TMEM67: variants seen among roughly 807,000 people sequenced by gnomAD.
TMEM67 encodes the protein transmembrane protein 67.
TMEM67 carries 124 observed loss-of-function variants against 136.6 expected under a neutral mutation model. The observed-to-expected ratio is 0.91, with a 90% confidence interval of 0.78 to 1.05. The LOEUF (loss-of-function observed/expected upper bound fraction) is 1.05. Ranked by LOEUF, TMEM67 falls within the 50% of genes least tolerant of loss-of-function variation. The pLI, the probability that TMEM67 is intolerant of heterozygous loss-of-function variation, is 0.00. For missense variants in TMEM67, 1,107 were observed against 1,178.4 expected (o/e 0.94, Z 0.89); for synonymous variants, 364 against 390.5 (o/e 0.93, Z 0.80).
chr8:93,815,462 T>C lies in TMEM67; in HGVS notation c.2907+15T>C, dbSNP rs1218036498. The C allele has an allele frequency of 3.1e-6, 5 of 1,602,130 alleles. No homozygotes were observed. Among genetic ancestry groups the C allele is most frequent in the Non-Finnish European group, 4.3e-6 (5 of 1,171,880 alleles). Reference sequence around the variant, plus strand: ...TACAACAAGAGGTAAACTTTTAAAATTTTTCTACATTTTCCTTCATTTTCT... The same window carrying C: ...TACAACAAGAGGTAAACTTTTAAAACTTTTCTACATTTTCCTTCATTTTCT... On this transcript the variant is annotated intron_variant, in intron 27 of 27. Coordinates refer to ENST00000453321, the MANE Select transcript of TMEM67 (RefSeq NM_153704.6).
At chr8:93,807,375 T>A (rs1815201803) in intron 23 of TMEM67, among the ~76,000 whole-genome samples, 2 of 152,080 alleles carry the variant, frequency 1.3e-5, no homozygotes, top group Non-Finnish European at 2.9e-5. Flanking sequence ...TATGTAAAAA[T>A]TGGAGAATAT....
intron 27 of TMEM67, among the ~76,000 whole-genome samples, chr8:93,815,829 A>AAGGGAAGCCCCGTTT (rs11270257): frequency 2.0e-5 from 3 of 151,968 alleles, no homozygotes; most frequent in African/African-American, 7.3e-5. Context: ...CTCAGCACCA[A>AAGGGAAGCCCCGTTT]AGCTTGCAGC....
chr8:93,795,630 C>T lies in TMEM67; in HGVS notation c.1773+123C>T, dbSNP rs1054992156. On this transcript the variant is annotated intron_variant, in intron 17 of 27. Transcript: ENST00000453321. ...CAACAGTATTAAGAAAAGTTCCCAA[C>T]TCCCCATTCCTTGAGTGTGCTGAGC... 3.4e-5 allele frequency: 28 copies of T among 818,458 alleles called. 1 individual carries two copies. The Admixed American group carries it at 4.8e-4, about 14-fold the overall frequency. 50.7% of individuals were successfully genotyped at this position (818,458 alleles called of 1,614,324 possible). A position where few individuals can be genotyped will look rare whatever the true frequency, so the allele number is the denominator to read the frequency against.
chr8:93,802,373 C>T (rs530917518), intron 21 of TMEM67, among the ~76,000 whole-genome samples: 22 of 152,342 alleles, frequency 1.4e-4, no homozygotes, highest in Non-Finnish European at 3.1e-4. Context: ...CTGCACTAGA[C>T]TCTTTCAGCT....
At chr8:93,793,785 G>C (rs1814490069) in intron 16 of TMEM67, among the ~76,000 whole-genome samples, 1 of 151,876 alleles carries the variant, frequency 6.6e-6, no homozygotes, top group Non-Finnish European at 1.5e-5. Flanking sequence ...TTCTGATGTT[G>C]AAATATATGA....
In TMEM67 at chr8:93,804,845, G is replaced by A. The variant is rs1410691174; in HGVS notation, c.2406G>A (p.Met802Ile). The change falls in exon 23 of 28, where the codon ATG becomes ATA. Residue 802 changes from methionine to isoleucine, a missense_variant. This residue lies in a region of TMEM67 where 925 missense variants were observed against 1,002.4 expected (regional missense o/e 0.92). Coordinates refer to ENST00000453321, the MANE Select transcript of TMEM67 (RefSeq NM_153704.6). ...RSVHGHADTN[M>I]EEMNMNLKRE... is the part of the protein sequence containing the mutation. ...TACATGGGCATGCAGATACTAATAT[G>A]GAAGAAATGAATATGAACCTTAAAA... 6.2e-7 allele frequency: 1 copy of A among 1,600,792 alleles called. No homozygotes were observed. The highest frequency in any genetic ancestry group is 2.2e-5 in the East Asian group (1 of 44,690).
At chr8:93,799,271 A>G (rs1016939894) in intron 20 of TMEM67, among the ~76,000 whole-genome samples, 47 of 152,124 alleles carry the variant, frequency 3.1e-4, no homozygotes, top group Non-Finnish European at 8.8e-5. Context: ...CATGTCAAAT[A>G]CTCATGAAAT....
At chr8:93,794,585 A>G (rs1026213037) in intron 16 of TMEM67, among the ~76,000 whole-genome samples, 2 of 152,250 alleles carry the variant, frequency 1.3e-5, no homozygotes, top group South Asian at 2.1e-4. Flanking sequence ...GAAAGGTTAC[A>G]TGGTAGCTTT....
chr8:93,809,689 T>C, intron 25 of TMEM67, 96 bp from the exon 26 acceptor site: 3 of 745,528 alleles, frequency 4.0e-6, no homozygotes, highest in Non-Finnish European at 7.0e-6. Flanking sequence ...TTATATACTA[T>C]TCATTTTTCA....
chr8:93,820,291 G>A (rs1029066538), downstream of TMEM67, among the ~76,000 whole-genome samples: 1 of 152,110 alleles, frequency 6.6e-6, no homozygotes, highest in African/African-American at 2.4e-5. Flanking sequence ...TACATAAAAG[G>A]ACACAGAACA....
intron 14 of TMEM67, among the ~76,000 whole-genome samples, chr8:93,790,948 G>C (rs537330324): frequency 6.6e-6 from 1 of 152,188 alleles, no homozygotes; most frequent in Non-Finnish European, 1.5e-5. Flanking sequence ...CTAAATTCCT[G>C]ATGCACAAGT....
At chr8:93,780,788 T>C (rs777206978) in intron 8 of TMEM67, 41 bp downstream of exon 8, 1 of 1,608,804 alleles carries the variant, frequency 6.2e-7, no homozygotes, top group East Asian at 2.2e-5. Flanking sequence ...TTTGACTGAA[T>C]TCAGTGCAGT....
chr8:93,779,036 G>A (rs990321303), intron 7 of TMEM67, among the ~76,000 whole-genome samples: 4 of 152,080 alleles, frequency 2.6e-5, no homozygotes, highest in Non-Finnish European at 5.9e-5. Flanking sequence ...CATATTTCTT[G>A]GAGGCTTTGC....
chr8:93,808,485 T>G (rs1808532368), intron 23 of TMEM67, among the ~76,000 whole-genome samples: 1 of 140,416 alleles, frequency 7.1e-6, no homozygotes, highest in Non-Finnish European at 1.5e-5. Flanking sequence ...GATATTTATC[T>G]ATAATAGATC....
intron 3 of TMEM67, among the ~76,000 whole-genome samples, chr8:93,760,884 AAG>A (rs1432305965): frequency 2.6e-5 from 4 of 152,226 alleles, no homozygotes; most frequent in Non-Finnish European, 5.9e-5. Flanking sequence ...TAAAATAGCC[AAG>A]AGTCATAAAT....
At chr8:93,809,204 A>G (rs1161400128) in intron 25 of TMEM67, 43 bp downstream of exon 25, 3 of 1,210,892 alleles carry the variant, frequency 2.5e-6, no homozygotes, top group South Asian at 1.2e-5. Context: ...ATCAAATGCA[A>G]TTTTTAAAAA....
In TMEM67 at chr8:93,795,539, C is replaced by A. The variant is rs751758624; in HGVS notation, c.1773+32C>A. The A allele has an allele frequency of 1.1e-5, 16 of 1,502,726 alleles. No homozygotes were observed. In the Admixed American group the frequency reaches 2.0e-4, roughly 19 times the overall value. The allele number at this position is 1,502,726 out of a possible 1,614,324, so 93.1% of individuals were successfully genotyped here. A position where few individuals can be genotyped will look rare whatever the true frequency, so the allele number is the denominator to read the frequency against. The stretch of plus-strand genomic sequence containing the variant: ...GAGTTTCTGAATTTTCCCCAACTGC[C>A]AATATCTGAATAGTTGAAAAGCTTT... On this transcript the variant is annotated intron_variant, in intron 17 of 27. Coordinates refer to ENST00000453321, the MANE Select transcript of TMEM67 (RefSeq NM_153704.6).
intron 26 of TMEM67, among the ~76,000 whole-genome samples, chr8:93,812,888 A>C (rs1413697084): frequency 2.6e-5 from 4 of 151,790 alleles, no homozygotes; most frequent in African/African-American, 9.7e-5. Flanking sequence ...GGCGTGTGCC[A>C]CCACACCTGG....
chr8:93,802,821 C>G (rs980179225), intron 21 of TMEM67, among the ~76,000 whole-genome samples: 7 of 151,706 alleles, frequency 4.6e-5, no homozygotes, highest in African/African-American at 7.3e-5. Context: ...ATTCATTTAT[C>G]TATTCATCCA....
Sources: gnomAD v4.1 joint callset for allele counts (sites outside exome capture counted in the v4.1 genomes callset) on GRCh38, gnomAD v4.1.1 for gene constraint, gnomAD v4.1.1 regional missense constraint, MANE v1.5 for transcripts, NCBI Gene and HGNC (gene_info 2026-07-23, HGNC 2026-07-21) for gene names.